IGSF11: variants seen among roughly 807,000 people sequenced by gnomAD.
The protein encoded by IGSF11 is immunoglobulin superfamily member 11, also known as CXADR like 1.
In IGSF11, 22 loss-of-function variants were observed where a neutral mutation model predicts 41.0. The observed-to-expected ratio is 0.54, with a 90% CI of 0.38 to 0.77. The LOEUF (loss-of-function observed/expected upper bound fraction) is 0.77. Among genes scored for constraint, IGSF11 ranks in the 30% least tolerant of loss-of-function variants. IGSF11 has a pLI of 0.00. For missense variants in IGSF11, 444 were observed against 530.8 expected, an observed-to-expected ratio of 0.84 and a Z score of 1.61; for synonymous variants, 219 against 201.3, an observed-to-expected ratio of 1.09 and a Z score of -0.74.
chr3:118,987,507 C>G (rs1935377898), intron 1 of IGSF11, among the ~76,000 whole-genome samples: 2 of 152,158 alleles, frequency 1.3e-5, no homozygotes, highest in South Asian at 4.1e-4. Context: ...GCCATAAAAA[C>G]AAGCCTGGCC....
chr3:118,931,628 G>A (rs1242202856), intron 1 of IGSF11, among the ~76,000 whole-genome samples: 8 of 152,114 alleles, frequency 5.3e-5, no homozygotes, highest in African/African-American at 9.7e-5. Context: ...AGTACCACCC[G>A]GGGATACACA....
chr3:118,947,814 T>C (rs2107574553), intron 1 of IGSF11: 1 of 152,360 alleles, frequency 6.6e-6, no homozygotes, highest in African/African-American at 2.4e-5. Context: ...TAGTTTTGCC[T>C]ATTGTTAACT....
chr3:119,036,783 T>G (rs1317219346), upstream of IGSF11, among the ~76,000 whole-genome samples: 4 of 151,938 alleles, frequency 2.6e-5, no homozygotes, highest in East Asian at 7.7e-4. Flanking sequence ...GCAGATAGAG[T>G]TCTGCCTCTT....
At chr3:119,106,545 T>A (rs931543747), upstream of IGSF11, among the ~76,000 whole-genome samples, 1 of 152,226 alleles carries the variant, frequency 6.6e-6, no homozygotes, top group Non-Finnish European at 1.5e-5. Context: ...TTCATTCTTT[T>A]TTATGGCTGA....
intron 1 of IGSF11, among the ~76,000 whole-genome samples, chr3:119,083,296 T>A (rs2076614729): frequency 6.6e-6 from 1 of 151,908 alleles, no homozygotes; most frequent in African/African-American, 2.4e-5. Flanking sequence ...TTTTAATGCA[T>A]TTTTAGTAGC....
chr3:119,060,362 A>T (rs1231247535), intron 1 of IGSF11, among the ~76,000 whole-genome samples: 2 of 152,196 alleles, frequency 1.3e-5, no homozygotes, highest in East Asian at 3.8e-4. Flanking sequence ...GTCAAAACAT[A>T]AGAAAAAACA....
intron 1 of IGSF11, among the ~76,000 whole-genome samples, chr3:119,062,586 C>G (rs1942088730): frequency 6.6e-6 from 1 of 152,188 alleles, no homozygotes; most frequent in Non-Finnish European, 1.5e-5. Context: ...AATAAATTGC[C>G]TAGCAAGATT....
At chr3:119,083,273 C>A (rs2076614122) in intron 1 of IGSF11, among the ~76,000 whole-genome samples, 1 of 151,844 alleles carries the variant, frequency 6.6e-6, no homozygotes, top group African/African-American at 2.4e-5. Context: ...GAACAAGCCA[C>A]CATGCCCAGC....
chr3:118,973,882 A>C (rs1933742396), intron 1 of IGSF11, among the ~76,000 whole-genome samples: 1 of 152,278 alleles, frequency 6.6e-6, no homozygotes, highest in East Asian at 1.9e-4. Flanking sequence ...GTTCTCACTT[A>C]TAAGTGGGAG....
intron 1 of IGSF11, among the ~76,000 whole-genome samples, chr3:118,931,357 T>C (rs1942833512): frequency 6.6e-6 from 1 of 152,320 alleles, no homozygotes; most frequent in East Asian, 1.9e-4. Flanking sequence ...TCCATGAATG[T>C]TCATAACAGC....
chr3:118,938,022 T>C (rs1482037697), intron 1 of IGSF11, among the ~76,000 whole-genome samples: 1 of 150,046 alleles, frequency 6.7e-6, no homozygotes, highest in Non-Finnish European at 1.5e-5. Flanking sequence ...TCTCTCTCTC[T>C]CATATATATA....
intron 1 of IGSF11, among the ~76,000 whole-genome samples, chr3:119,066,736 C>A (rs1021838078): frequency 2.6e-5 from 4 of 152,132 alleles, no homozygotes; most frequent in Non-Finnish European, 4.4e-5. Context: ...CCAGTTTGTT[C>A]TTTCGATCCT....
At chr3:119,021,274 T>C (rs1939257997) in intron 1 of IGSF11, among the ~76,000 whole-genome samples, 2 of 152,094 alleles carry the variant, frequency 1.3e-5, no homozygotes. Flanking sequence ...ATTAGTATCA[T>C]GAGATTAAAA....
intron 1 of IGSF11, among the ~76,000 whole-genome samples, chr3:118,985,050 T>C (rs1935114848): frequency 6.6e-6 from 1 of 152,236 alleles, no homozygotes; most frequent in Non-Finnish European, 1.5e-5. Context: ...TCTAAACTTC[T>C]GTCTGAGATC....
At chr3:118,918,879 C>T (rs1362744522) in intron 4 of IGSF11, among the ~76,000 whole-genome samples, 1 of 112,342 alleles carries the variant, frequency 8.9e-6, no homozygotes, top group Non-Finnish European at 1.7e-5. Flanking sequence ...CTACAGTAAC[C>T]AAAACAGCAT....
At chr3:119,129,593 A>C (rs1243909414) in intron 1 of IGSF11, among the ~76,000 whole-genome samples, 1 of 152,212 alleles carries the variant, frequency 6.6e-6, no homozygotes, top group Admixed American at 6.5e-5. Context: ...TTATTCAAAC[A>C]GTGTTAAGTT....
At chr3:118,971,726 C>T (rs1933451844) in intron 1 of IGSF11, among the ~76,000 whole-genome samples, 1 of 150,950 alleles carries the variant, frequency 6.6e-6, no homozygotes, top group African/African-American at 2.4e-5. Context: ...TTGCTTGACC[C>T]TGGGAGGCAG....
intron 4 of IGSF11, among the ~76,000 whole-genome samples, chr3:118,920,138 A>G (rs1197114571): frequency 7.0e-6 from 1 of 143,510 alleles, no homozygotes; most frequent in Non-Finnish European, 1.5e-5. Flanking sequence ...GAGGGATAGC[A>G]TTGGGAGATA....
intron 1 of IGSF11, among the ~76,000 whole-genome samples, chr3:119,010,102 T>C: frequency 6.6e-6 from 1 of 152,218 alleles, no homozygotes; most frequent in Non-Finnish European, 1.5e-5. Context: ...AGAGTCATCC[T>C]ATTGGCCTCC....
Sources: gnomAD v4.1 joint callset for allele counts (sites outside exome capture counted in the v4.1 genomes callset) on GRCh38, gnomAD v4.1.1 for gene constraint, MANE v1.5 for transcripts, NCBI Gene and HGNC (gene_info 2026-07-23, HGNC 2026-07-21) for gene names.